The following PAPPA2 variants were observed in gnomAD, a reference collection of about 807,000 sequenced individuals.
The protein encoded by PAPPA2 is pappalysin-2.
PAPPA2 carries 86 observed loss-of-function variants against 176.4 expected under a neutral mutation model. The observed-to-expected ratio is 0.49, with a 90% CI of 0.41 to 0.58. PAPPA2 has a LOEUF of 0.58. Ranked by LOEUF, PAPPA2 falls within the 20% of genes least tolerant of loss-of-function variation. PAPPA2 has a pLI of 0.00. For synonymous variants in PAPPA2, 809 were observed against 852.2 expected, an observed-to-expected ratio of 0.95 and a Z score of 0.88; for missense variants, 2,073 against 2,256.9, an observed-to-expected ratio of 0.92 and a Z score of 1.65.
chr1:176,655,181 C>A (rs186019291), intron 3 of PAPPA2, among the ~76,000 whole-genome samples: 5 of 151,942 alleles, frequency 3.3e-5, no homozygotes, highest in Admixed American at 3.3e-4. Context: ...AACTTTTCTG[C>A]ATTCAGTATA....
At chr1:176,604,180 C>G (rs541865414) in intron 3 of PAPPA2, among the ~76,000 whole-genome samples, 1 of 152,296 alleles carries the variant, frequency 6.6e-6, no homozygotes, top group South Asian at 2.1e-4. Context: ...TAGGTGAGGC[C>G]TTCCCTGGAG....
At chr1:176,800,168 G>A in intron 21 of PAPPA2, 36 bp downstream of exon 21, 1 of 1,602,182 alleles carries the variant, frequency 6.2e-7, no homozygotes, top group Non-Finnish European at 8.6e-7. Context: ...TCAGACTAGA[G>A]AACTCAGGTG....
chr1:176,580,317 A>C (rs1030598764), intron 2 of PAPPA2, among the ~76,000 whole-genome samples: 1 of 152,182 alleles, frequency 6.6e-6, no homozygotes, highest in Non-Finnish European at 1.5e-5. Context: ...AGTTCTATCT[A>C]TGTTGCTGCA....
At chr1:176,759,697 C>T (rs980076316) in intron 14 of PAPPA2, among the ~76,000 whole-genome samples, 6 of 152,098 alleles carry the variant, frequency 3.9e-5, no homozygotes, top group South Asian at 2.1e-4. Context: ...AATGTCCCTG[C>T]GATAGCCTCA....
At chr1:176,686,918 G>A (rs969540091) in intron 4 of PAPPA2, among the ~76,000 whole-genome samples, 7 of 152,164 alleles carry the variant, frequency 4.6e-5, no homozygotes, top group African/African-American at 1.7e-4. Flanking sequence ...AGTTCTTCTA[G>A]TTCTAGTCCA....
intron 3 of PAPPA2, among the ~76,000 whole-genome samples, chr1:176,615,746 T>C (rs1435213648): frequency 6.6e-6 from 1 of 152,184 alleles, no homozygotes; most frequent in Non-Finnish European, 1.5e-5. Flanking sequence ...AGTATGAATG[T>C]GGGAGACGTA....
At chr1:176,498,858 C>T (rs867958640) in intron 1 of PAPPA2, among the ~76,000 whole-genome samples, 1 of 151,456 alleles carries the variant, frequency 6.6e-6, no homozygotes, top group Non-Finnish European at 1.5e-5. Context: ...CAGGTAGCAT[C>T]GTTGAAACCT....
chr1:176,623,614 C>CTTTA, intron 3 of PAPPA2, among the ~76,000 whole-genome samples: 1 of 88,314 alleles, frequency 1.1e-5, no homozygotes, highest in Admixed American at 1.1e-4. Flanking sequence ...TTCCTTCCTT[C>CTTTA]CTTCCTTCCT....
chr1:176,784,882 G>A (rs558159151), intron 17 of PAPPA2, among the ~76,000 whole-genome samples: 136 of 152,220 alleles, frequency 8.9e-4, no homozygotes, highest in African/African-American at 2.7e-3. Flanking sequence ...CACCGCGCCC[G>A]GCCAGATGAT....
chr1:176,758,879 ACT>A (rs1362243163), intron 14 of PAPPA2, among the ~76,000 whole-genome samples: 1 of 152,154 alleles, frequency 6.6e-6, no homozygotes, highest in Non-Finnish European at 1.5e-5. Context: ...CATCTGTGAA[ACT>A]CAATACCATG....
intron 3 of PAPPA2, among the ~76,000 whole-genome samples, chr1:176,664,476 T>G (rs901804480): frequency 1.3e-5 from 2 of 152,168 alleles, no homozygotes; most frequent in Non-Finnish European, 2.9e-5. Flanking sequence ...TTTAAGTACT[T>G]GTATGATTAG....
At chr1:176,564,993 A>G (rs916375473) in intron 2 of PAPPA2, among the ~76,000 whole-genome samples, 3 of 151,968 alleles carry the variant, frequency 2.0e-5, no homozygotes, top group African/African-American at 7.2e-5. Flanking sequence ...CTCTATCTCT[A>G]TAGATTTGCC....
At chr1:176,811,022 C>T (rs978557662) in intron 21 of PAPPA2, among the ~76,000 whole-genome samples, 2 of 152,220 alleles carry the variant, frequency 1.3e-5, no homozygotes, top group East Asian at 3.9e-4. Context: ...TATTATTACA[C>T]TTTAGTAATA....
At chr1:176,791,173 ATTTTTTTTTTTT>A (rs57185368) in intron 18 of PAPPA2, among the ~76,000 whole-genome samples, 162 bp from the exon 19 acceptor site, 178 of 80,882 alleles carry the variant, frequency 2.2e-3, no homozygotes, top group East Asian at 3.3e-3. Flanking sequence ...AAAGCAAAGA[ATTTTTTTTTTTT>A]TTTTTTTTTT....
At chr1:176,744,075 C>T (rs544675661) in intron 14 of PAPPA2, among the ~76,000 whole-genome samples, 5 of 151,704 alleles carry the variant, frequency 3.3e-5, no homozygotes, top group Admixed American at 2.0e-4. Flanking sequence ...TGCAATTGTG[C>T]TTCTTTCATT....
intron 1 of PAPPA2, among the ~76,000 whole-genome samples, chr1:176,526,461 G>A (rs1390536629): frequency 6.6e-6 from 1 of 152,186 alleles, no homozygotes. Context: ...TTTGCCATCT[G>A]TAGGCTGAAT....
rs1164770506 is a variant in PAPPA2 at position 176,816,160 on chromosome 1, A to G, written c.5202+16028A>G. Reference sequence around the variant, plus strand: ...TATTTTCCTTTCACAGTGTATATATATATATATATATATATATATATATAT... The same window carrying G: ...TATTTTCCTTTCACAGTGTATATATGTATATATATATATATATATATATAT... On this transcript the variant is annotated intron_variant, in intron 21 of 22. Coordinates refer to ENST00000367662, the MANE Select transcript of PAPPA2 (RefSeq NM_020318.3). 4.1e-4 allele frequency among the ~76,000 whole-genome samples: 34 copies of G among 82,684 alleles called. 1 individual carries two copies. Among genetic ancestry groups the G allele is most frequent in the Non-Finnish European group, 6.1e-4 (25 of 41,142 alleles). The allele number at this position is 82,684 out of a possible 152,430, so 54.2% of individuals were successfully genotyped here.
intron 3 of PAPPA2, among the ~76,000 whole-genome samples, chr1:176,670,668 A>C (rs1658941388): frequency 6.6e-6 from 1 of 152,208 alleles, no homozygotes. Context: ...GTATCATTAG[A>C]TTTATCTTGA....
At chr1:176,816,377 GCACACACA>G (rs66557602) in intron 21 of PAPPA2, among the ~76,000 whole-genome samples, 2 of 144,776 alleles carry the variant, frequency 1.4e-5, no homozygotes, top group Admixed American at 1.4e-4. Context: ...ACATCATCAC[GCACACACA>G]CACACACACA....
Sources: gnomAD v4.1 joint callset for allele counts (sites outside exome capture counted in the v4.1 genomes callset) on GRCh38, gnomAD v4.1.1 for gene constraint, MANE v1.5 for transcripts, NCBI Gene and HGNC (gene_info 2026-07-23, HGNC 2026-07-21) for gene names.